GPC5: variants seen among roughly 807,000 people sequenced by gnomAD.
GPC5 encodes the protein glypican 5.
Under a neutral mutation model 53.9 loss-of-function variants are expected in GPC5, and 47 were observed. The ratio of observed to expected loss-of-function variants is 0.87; its 90% CI spans 0.69 to 1.11. GPC5 has a LOEUF of 1.11. Among genes scored for constraint, GPC5 ranks in the 50% most tolerant of loss-of-function variants. GPC5 has a pLI of 0.00. For missense variants in GPC5, 748 were observed against 713.1 expected, an observed-to-expected ratio of 1.05 and a Z score of -0.56; for synonymous variants, 286 against 263.3, an observed-to-expected ratio of 1.09 and a Z score of -0.84.
intron 2 of GPC5, among the ~76,000 whole-genome samples, chr13:91,672,138 C>A (rs1452466469): frequency 6.6e-6 from 1 of 152,140 alleles, no homozygotes; most frequent in Non-Finnish European, 1.5e-5. Context: ...ACCATAAAAA[C>A]CCTAGTTGAA....
chr13:92,586,038 G>A (rs1184010949), intron 7 of GPC5, among the ~76,000 whole-genome samples: 1 of 152,186 alleles, frequency 6.6e-6, no homozygotes, highest in Non-Finnish European at 1.5e-5. Context: ...GGTTTACAGA[G>A]CTTAGTTTAT....
intron 3 of GPC5, among the ~76,000 whole-genome samples, chr13:91,716,700 A>G (rs2036345431): frequency 6.6e-6 from 1 of 152,232 alleles, no homozygotes; most frequent in Non-Finnish European, 1.5e-5. Flanking sequence ...TATATGACAC[A>G]TGAATGTGCG....
chr13:92,497,154 G>T (rs1880009678), intron 7 of GPC5, among the ~76,000 whole-genome samples: 1 of 151,986 alleles, frequency 6.6e-6, no homozygotes, highest in Admixed American at 6.6e-5. Context: ...ATTGCTTTTG[G>T]CATTTTTGTC....
intron 6 of GPC5, among the ~76,000 whole-genome samples, chr13:92,006,429 C>A (rs2138764314): frequency 6.6e-6 from 1 of 152,244 alleles, no homozygotes; most frequent in Non-Finnish European, 1.5e-5. Flanking sequence ...CTCTCTAAGG[C>A]TAAGAAATTG....
At chr13:92,438,383 AATATAT>A (rs66984887) in intron 7 of GPC5, among the ~76,000 whole-genome samples, 1 of 123,708 alleles carries the variant, frequency 8.1e-6, no homozygotes, top group African/African-American at 3.2e-5. Flanking sequence ...AAGCAAAATA[AATATAT>A]ATATATATAT....
rs74105036 is a variant in GPC5, at chr13:91,524,967, A to G, written c.325+76045A>G. On this transcript the variant is annotated intron_variant, in intron 2 of 7. Transcript: ENST00000377067. Reference sequence around the variant, plus strand: ...ATTACTGATGAAAAGATATAATTTCACTGTTGCTGTCAAGTTAAAGTCATG... The same window carrying G: ...ATTACTGATGAAAAGATATAATTTCGCTGTTGCTGTCAAGTTAAAGTCATG... 7.3e-3 allele frequency among the ~76,000 whole-genome samples: 1,116 copies of G among 152,324 alleles called. 13 individuals are homozygous for G. The highest frequency in any genetic ancestry group is 0.025 in the African/African-American group (1,051 of 41,576).
chr13:91,504,256 T>C (rs969336947), intron 2 of GPC5, among the ~76,000 whole-genome samples: 3 of 152,148 alleles, frequency 2.0e-5, no homozygotes, highest in Non-Finnish European at 4.4e-5. Context: ...AAAAGGGTAC[T>C]GCTTATGTGA....
chr13:91,862,876 G>C (rs1309825601), intron 5 of GPC5, among the ~76,000 whole-genome samples: 1 of 152,024 alleles, frequency 6.6e-6, no homozygotes, highest in Non-Finnish European at 1.5e-5. Context: ...ATTAAGAAGA[G>C]ATCTTTAGAC....
At chr13:91,593,893 TGTGCTCTCA>T (rs2032897627) in intron 2 of GPC5, among the ~76,000 whole-genome samples, 1 of 150,544 alleles carries the variant, frequency 6.6e-6, no homozygotes, top group Admixed American at 6.6e-5. Flanking sequence ...AACCAAGAAA[TGTGCTCTCA>T]CAAAGAACTA....
chr13:92,425,806 A>G (rs759507413), intron 7 of GPC5, among the ~76,000 whole-genome samples: 70 of 152,104 alleles, frequency 4.6e-4, no homozygotes, highest in Non-Finnish European at 2.1e-4. Context: ...AAATATATGT[A>G]TATATTTTAG....
intron 7 of GPC5, among the ~76,000 whole-genome samples, chr13:92,551,308 A>T (rs1035289122): frequency 6.6e-6 from 1 of 151,764 alleles, no homozygotes; most frequent in African/African-American, 2.4e-5. Flanking sequence ...AGAAAAAAAA[A>T]AAGAGAGCGA....
At chr13:91,956,653 A>T (rs2040076471) in intron 6 of GPC5, among the ~76,000 whole-genome samples, 1 of 152,194 alleles carries the variant, frequency 6.6e-6, no homozygotes, top group African/African-American at 2.4e-5. Context: ...GCAAGACTTT[A>T]CCACAGCTTC....
Position 92,023,694 on chromosome 13 carries a change from ACTCTCTCTCTCT to A in GPC5, c.1401+115640_1401+115651del, listed in dbSNP as rs5805724. 6.4e-4 allele frequency among the ~76,000 whole-genome samples: 95 copies of A among 148,016 alleles called. 1 individual carries two copies. The highest frequency in any genetic ancestry group is 2.3e-3 in the African/African-American group (92 of 40,190). On this transcript the variant is annotated intron_variant, in intron 6 of 7. Transcript: ENST00000377067. The stretch of plus-strand genomic sequence containing the variant: ...CACACACACACACACACACACACAC[ACTCTCTCTCTCT>A]CTTATAAATTTATTTTAGTCAAGTT...
chr13:91,779,357 T>C (rs1410415492), intron 5 of GPC5, among the ~76,000 whole-genome samples: 1 of 152,188 alleles, frequency 6.6e-6, no homozygotes, highest in Non-Finnish European at 1.5e-5. Context: ...TTTTCTTTTT[T>C]CTTTTTTTTT....
At chr13:92,587,295 TAACAC>T (rs1883569184) in intron 7 of GPC5, among the ~76,000 whole-genome samples, 1 of 152,218 alleles carries the variant, frequency 6.6e-6, no homozygotes, top group South Asian at 2.1e-4. Context: ...TTATAAATGA[TAACAC>T]ATATTATGTT....
intron 7 of GPC5, among the ~76,000 whole-genome samples, chr13:92,754,679 C>G (rs1323110224): frequency 6.6e-6 from 1 of 151,462 alleles, no homozygotes; most frequent in African/African-American, 2.4e-5. Context: ...GGGTTGCAAT[C>G]CTAGTCTCTG....
chr13:91,424,316 G>A (rs1480465675), intron 1 of GPC5, among the ~76,000 whole-genome samples: 4 of 150,820 alleles, frequency 2.7e-5, no homozygotes, highest in Non-Finnish European at 5.9e-5. Flanking sequence ...TTTTGGTGGT[G>A]GTGGGGCGGG....
chr13:91,581,372 G>C (rs972358045), intron 2 of GPC5, among the ~76,000 whole-genome samples: 3 of 152,154 alleles, frequency 2.0e-5, no homozygotes, highest in Admixed American at 6.5e-5. Flanking sequence ...AGTTGGATTT[G>C]TACTGTGGAT....
chr13:91,684,746 C>A (rs1026349258), intron 2 of GPC5, among the ~76,000 whole-genome samples: 14 of 152,198 alleles, frequency 9.2e-5, no homozygotes, highest in African/African-American at 3.4e-4. Flanking sequence ...AAGACATGAA[C>A]AGCATCACAT....
Sources: allele counts gnomAD v4.1 joint callset (sites outside exome capture counted in the v4.1 genomes callset), GRCh38; gene constraint gnomAD v4.1.1; transcripts MANE v1.5; gene names NCBI Gene and HGNC (gene_info 2026-07-23, HGNC 2026-07-21).